The following ADGRG6 variants were observed in gnomAD, a reference collection of about 807,000 sequenced individuals.
The protein encoded by ADGRG6 is G-protein coupled receptor 126.
Under a neutral mutation model 142.4 loss-of-function variants are expected in ADGRG6, and 84 were observed. The ratio of observed to expected loss-of-function variants is 0.59; its 90% CI spans 0.49 to 0.71. The LOEUF is 0.71. Ranked by LOEUF, ADGRG6 falls within the 30% of genes least tolerant of loss-of-function variation. The probability of loss-of-function intolerance (pLI) is 0.00; values close to 1 mark genes in which losing one functional copy is unlikely to be tolerated. For synonymous variants in ADGRG6, 521 were observed against 520.5 expected (o/e 1.00, Z -0.01); for missense variants, 1,367 against 1,466.6 (o/e 0.93, Z 1.11).
At chr6:142,319,768 G>A (rs1444481153) in intron 2 of ADGRG6, among the ~76,000 whole-genome samples, 1 of 152,066 alleles carries the variant, frequency 6.6e-6, no homozygotes, top group Non-Finnish European at 1.5e-5. Flanking sequence ...TCCACTATGT[G>A]TGCCTGACAT....
chr6:142,327,904 A>G (rs1219516770), intron 2 of ADGRG6, among the ~76,000 whole-genome samples: 1 of 152,108 alleles, frequency 6.6e-6, no homozygotes, highest in Non-Finnish European at 1.5e-5. Context: ...TTTATTTTGC[A>G]TATTGTTTCT....
chr6:142,308,910 A>G (rs1777629758), intron 1 of ADGRG6, among the ~76,000 whole-genome samples: 1 of 151,806 alleles, frequency 6.6e-6, no homozygotes, highest in Non-Finnish European at 1.5e-5. Context: ...TTTTCAAAGC[A>G]CCACCTCTCC....
chr6:142,307,710 A>G (rs976080811), intron 1 of ADGRG6, among the ~76,000 whole-genome samples: 3 of 152,088 alleles, frequency 2.0e-5, no homozygotes, highest in African/African-American at 7.2e-5. Flanking sequence ...ATAATTACTA[A>G]TTTCTTACTT....
At chr6:142,349,900 C>T (rs1038884773) in intron 2 of ADGRG6, among the ~76,000 whole-genome samples, 1 of 152,106 alleles carries the variant, frequency 6.6e-6, no homozygotes, top group Non-Finnish European at 1.5e-5. Context: ...TTTCTAAACT[C>T]TGTGGTTCCT....
chr6:142,324,079 C>A (rs537389027), intron 2 of ADGRG6, among the ~76,000 whole-genome samples: 1 of 152,006 alleles, frequency 6.6e-6, no homozygotes, highest in South Asian at 2.1e-4. Flanking sequence ...TAATTCATTG[C>A]TAAATATGAG....
intron 6 of ADGRG6, among the ~76,000 whole-genome samples, chr6:142,389,940 C>T (rs1774797417): frequency 1.3e-5 from 2 of 151,690 alleles, no homozygotes; most frequent in Admixed American, 6.6e-5. Flanking sequence ...TACATGAAAA[C>T]AGTTAACACA....
chr6:142,306,548 A>G (rs1292027752), intron 1 of ADGRG6, among the ~76,000 whole-genome samples: 1 of 152,080 alleles, frequency 6.6e-6, no homozygotes. Context: ...CTGTAAGATG[A>G]TAGGTTTTTT....
intron 1 of ADGRG6, among the ~76,000 whole-genome samples, chr6:142,308,652 T>C (rs139568651): frequency 6.6e-6 from 1 of 152,008 alleles, no homozygotes; most frequent in East Asian, 1.9e-4. Context: ...GATTTCTGAC[T>C]ATTGCTTACT....
intron 2 of ADGRG6, among the ~76,000 whole-genome samples, chr6:142,349,138 A>G (rs572304812): frequency 6.6e-6 from 1 of 152,352 alleles, no homozygotes; most frequent in Admixed American, 6.5e-5. Flanking sequence ...TGCAGTTTGA[A>G]TAGACATTTC....
chr6:142,317,788 A>G (rs1778175384), intron 2 of ADGRG6, among the ~76,000 whole-genome samples: 2 of 93,482 alleles, frequency 2.1e-5, no homozygotes, highest in South Asian at 2.6e-4. Flanking sequence ...ATATTTATAT[A>G]TAATATATAT....
intron 2 of ADGRG6, among the ~76,000 whole-genome samples, chr6:142,328,002 G>A (rs1050094423): frequency 4.0e-5 from 6 of 151,512 alleles, no homozygotes; most frequent in South Asian, 2.1e-4. Flanking sequence ...TTTTTCCTAC[G>A]TTACAGATAA....
chr6:142,421,440 A>G (rs966917740), intron 22 of ADGRG6, among the ~76,000 whole-genome samples: 1 of 152,204 alleles, frequency 6.6e-6, no homozygotes, highest in Admixed American at 6.6e-5. Context: ...GTAGCATATA[A>G]ATACATCTTT....
At chr6:142,400,922 G>A (rs752457622) in intron 11 of ADGRG6, 2 of 188,856 alleles carry the variant, frequency 1.1e-5, no homozygotes, top group African/African-American at 2.3e-5. Context: ...CTGGAATTCC[G>A]AAACTTTTTA....
intron 10 of ADGRG6, among the ~76,000 whole-genome samples, chr6:142,398,822 G>C (rs1775345694): frequency 6.6e-6 from 1 of 152,088 alleles, no homozygotes; most frequent in South Asian, 2.1e-4. Context: ...ATATGCATCA[G>C]AAGACCATAG....
chr6:142,404,111 G>C (rs969448402), intron 14 of ADGRG6, 138 bp downstream of exon 14: 59 of 683,068 alleles, frequency 8.6e-5, no homozygotes, highest in South Asian at 5.0e-4. Context: ...AGTTTAACTA[G>C]AGCAGTAGCC....
chr6:142,436,428 G>A (rs1777488873), intron 22 of ADGRG6, among the ~76,000 whole-genome samples: 1 of 152,112 alleles, frequency 6.6e-6, no homozygotes, highest in Non-Finnish European at 1.5e-5. Context: ...TATTGGAGTT[G>A]CCATCATTCT....
rs372216349 is a variant in ADGRG6, at chr6:142,387,457, G to A, written c.1223-2801G>A. Among the ~76,000 whole-genome samples the A allele has an allele frequency of 1.1e-4, 16 of 152,268 alleles. No homozygotes were observed. In the South Asian group the frequency reaches 3.3e-3, roughly 32 times the overall value. On this transcript the variant is annotated intron_variant, in intron 6 of 24. Coordinates refer to ENST00000367609, the MANE Select transcript of ADGRG6 (RefSeq NM_198569.3). Reference sequence around the variant, plus strand: ...TCATTTGAATGGATCCATTACTCTAGCTTTTTATGCCATATGTCTTAAAGA... The same window carrying A: ...TCATTTGAATGGATCCATTACTCTAACTTTTTATGCCATATGTCTTAAAGA...
chr6:142,402,909 T>G (rs1161899442), intron 13 of ADGRG6, 79 bp downstream of exon 13: 1 of 737,722 alleles, frequency 1.4e-6, no homozygotes, highest in Admixed American at 3.0e-5. Flanking sequence ...CTGAATACTT[T>G]GTGCCCAGAT....
At chr6:142,353,946 A>C (rs1780314553) in intron 2 of ADGRG6, among the ~76,000 whole-genome samples, 1 of 152,176 alleles carries the variant, frequency 6.6e-6, no homozygotes, top group South Asian at 2.1e-4. Context: ...AACATTACAG[A>C]AAGTTCCACC....
Sources: allele counts gnomAD v4.1 joint callset (sites outside exome capture counted in the v4.1 genomes callset), GRCh38; gene constraint gnomAD v4.1.1; transcripts MANE v1.5; gene names NCBI Gene and HGNC (gene_info 2026-07-23, HGNC 2026-07-21).